Variants in ATPAF2 observed in about 807,000 individuals in gnomAD.
The protein encoded by ATPAF2 is ATP12 homolog.
ATPAF2 carries 30 observed loss-of-function variants against 36.6 expected under a neutral mutation model. The observed-to-expected ratio is 0.82, with a 90% CI of 0.61 to 1.11. The LOEUF is 1.11. ATPAF2 is among the 50% of genes most tolerant of loss of function. ATPAF2 has a pLI of 0.00. For missense variants in ATPAF2, 321 were observed against 372.3 expected (o/e 0.86, Z 1.13); for synonymous variants, 140 against 152.6 (o/e 0.92, Z 0.61).
intron 7 of ATPAF2, chr17:18,020,866 G>A: frequency 1.4e-6 from 1 of 729,862 alleles, no homozygotes; most frequent in Non-Finnish European, 2.0e-6. Flanking sequence ...TTGCCATGTT[G>A]CCCAGGCTGG....
rs2044410976 is a variant in ATPAF2, at chr17:18,018,158, T to C, written c.*391A>G. 3.6e-6 allele frequency: 1 copy of C among 281,208 alleles called. No individual in the cohort carries two copies. 17.4% of individuals were successfully genotyped at this position (281,208 alleles called of 1,614,324 possible). On this transcript the variant is annotated 3_prime_UTR_variant, in exon 8 of 8. Coordinates refer to ENST00000474627, the MANE Select transcript of ATPAF2 (RefSeq NM_145691.4). ...GGTTCCTGACCACAGGCAGCAGATATCCAAACACGCCATGGGAGATAAGCT... is the reference window on the plus strand; with the variant it reads ...GGTTCCTGACCACAGGCAGCAGATACCCAAACACGCCATGGGAGATAAGCT...
rs2044749459 is a variant in ATPAF2, at chr17:18,038,962, G to C, written c.52C>G (p.Arg18Gly). ...GAAGCGCTGGGGCCACCCGCCGGCC[G>C]ATTCAGGAGACGGCGTCCCCCGTCC... is the stretch of plus-strand genomic sequence containing the variant. ...LRDGGRRLLN[R>G]PAGGPSASMS... The change falls in exon 1 of 8, where the codon CGG (arginine) becomes GGG (glycine). Residue 18 changes from arginine (R) to glycine (G), a missense_variant. Arg to Gly is a moderately radical substitution (Grantham distance 125). Coordinates refer to ENST00000474627, the MANE Select transcript of ATPAF2 (RefSeq NM_145691.4). 3 of 1,613,128 alleles carry C rather than the reference G, an allele frequency of 1.9e-6. No homozygotes were observed. The highest frequency in any genetic ancestry group is 2.5e-6 in the Non-Finnish European group (3 of 1,179,680).
intron 2 of ATPAF2, 34 bp downstream of exon 2, chr17:18,028,581 A>G: frequency 1.9e-6 from 3 of 1,604,684 alleles, no homozygotes; most frequent in Non-Finnish European, 2.5e-6. Context: ...AAAAAAAAAA[A>G]AAAAAAGAGG....
intron 1 of ATPAF2, among the ~76,000 whole-genome samples, chr17:18,038,362 G>A (rs1264127430): frequency 6.6e-6 from 1 of 152,216 alleles, no homozygotes. Flanking sequence ...CTATTTAGGA[G>A]AGAAGGCTGC....
At chr17:18,024,204 G>T (rs1597668733) in intron 5 of ATPAF2, among the ~76,000 whole-genome samples, 1 of 152,192 alleles carries the variant, frequency 6.6e-6, no homozygotes, top group African/African-American at 2.4e-5. Flanking sequence ...GAGAGGTAGG[G>T]ATTATTAGCC....
At chr17:18,020,953 G>T in intron 7 of ATPAF2, 170 bp downstream of exon 7, 8 of 1,426,520 alleles carry the variant, frequency 5.6e-6, no homozygotes, top group Non-Finnish European at 7.4e-6. Flanking sequence ...GAACCACCAT[G>T]CCAGGCCTAC....
At chr17:18,037,253 T>C (rs1371271925) in intron 1 of ATPAF2, among the ~76,000 whole-genome samples, 1 of 152,046 alleles carries the variant, frequency 6.6e-6, no homozygotes, top group Non-Finnish European at 1.5e-5. Context: ...AGGTGAAACT[T>C]CAGCTCCCTG....
intron 5 of ATPAF2, among the ~76,000 whole-genome samples, chr17:18,023,568 G>C (rs1246369463): frequency 6.6e-6 from 1 of 152,218 alleles, no homozygotes; most frequent in Admixed American, 6.5e-5. Flanking sequence ...CTATAGCAAA[G>C]ATCTCTAGGC....
chr17:18,036,948 G>A (rs1474308508), intron 1 of ATPAF2, among the ~76,000 whole-genome samples: 1 of 152,122 alleles, frequency 6.6e-6, no homozygotes, highest in East Asian at 1.9e-4. Flanking sequence ...GCGGACACCT[G>A]TAATCCCAGC....
intron 4 of ATPAF2, chr17:18,025,653 T>G (rs2044533068): frequency 6.4e-6 from 1 of 155,510 alleles, no homozygotes; most frequent in Non-Finnish European, 1.4e-5. Context: ...CCCCTTTTTG[T>G]CTGAGCTAGG....
intron 1 of ATPAF2, 120 bp downstream of exon 1, chr17:18,038,761 G>C: frequency 7.1e-7 from 1 of 1,415,092 alleles, no homozygotes; most frequent in Non-Finnish European, 9.8e-7. Flanking sequence ...AGACCTGACT[G>C]GCCTGCATAA....
downstream of ATPAF2, chr17:18,016,621 C>A: frequency 6.2e-7 from 1 of 1,613,840 alleles, no homozygotes; most frequent in Non-Finnish European, 8.5e-7. Flanking sequence ...GTACATCGAC[C>A]ACATGCAGAG....
chr17:18,025,662 G>A (rs1161809800), intron 4 of ATPAF2: 1 of 157,498 alleles, frequency 6.3e-6, no homozygotes, highest in East Asian at 1.9e-4. Flanking sequence ...GTCTGAGCTA[G>A]GTTGAATGGG....
At chr17:18,037,305 C>G (rs2044716355) in intron 1 of ATPAF2, among the ~76,000 whole-genome samples, 1 of 151,274 alleles carries the variant, frequency 6.6e-6, no homozygotes. Context: ...AGTTATAGAA[C>G]TTGGCTGGGC....
At chr17:18,025,478 G>C (rs538759476) in intron 4 of ATPAF2, 1 of 154,310 alleles carries the variant, frequency 6.5e-6, no homozygotes, top group East Asian at 1.9e-4. Flanking sequence ...GGAAAAGCTG[G>C]GGTGCTGGGA....
At chr17:18,016,787 A>G (rs1274974843), downstream of ATPAF2, 1 of 583,274 alleles carries the variant, frequency 1.7e-6, no homozygotes, top group Non-Finnish European at 3.0e-6. Flanking sequence ...CTCAACCGCG[A>G]TCCCCAACAC....
intron 7 of ATPAF2, 187 bp downstream of exon 7, chr17:18,020,936 C>T: frequency 7.2e-7 from 1 of 1,393,792 alleles, no homozygotes; most frequent in South Asian, 1.5e-5. Context: ...GCTGGGATTA[C>T]AGGTGTGAAC....
At chr17:18,026,145 C>T (rs771431113) in intron 4 of ATPAF2, 174 bp downstream of exon 4, 48 of 694,844 alleles carry the variant, frequency 6.9e-5, no homozygotes, top group Non-Finnish European at 1.0e-4. Context: ...CATTGTAGCC[C>T]GAGGAGTCCT....
At chr17:18,035,440 A>G (rs1156567182) in intron 1 of ATPAF2, among the ~76,000 whole-genome samples, 2 of 152,148 alleles carry the variant, frequency 1.3e-5, no homozygotes, top group Non-Finnish European at 2.9e-5. Context: ...GGTGATAAAA[A>G]TGTTCTAAAA....
Sources: allele counts gnomAD v4.1 joint callset (sites outside exome capture counted in the v4.1 genomes callset), GRCh38; gene constraint gnomAD v4.1.1; transcripts MANE v1.5; gene names NCBI Gene and HGNC (gene_info 2026-07-23, HGNC 2026-07-21).